FAM117B: variants seen among roughly 807,000 people sequenced by gnomAD.
The protein encoded by FAM117B is protein FAM117B.
In FAM117B, 22 loss-of-function variants were observed where a neutral mutation model predicts 52.8. The observed-to-expected ratio is 0.42, with a 90% CI of 0.30 to 0.59. The LOEUF is 0.59. FAM117B is among the 20% of genes least tolerant of loss of function. The pLI is 0.22. For synonymous variants in FAM117B, 309 were observed against 324.1 expected (o/e 0.95, Z 0.50); for missense variants, 678 against 802.6 (o/e 0.84, Z 1.88).
At chr2:202,709,045 C>G (rs1219612005) in intron 2 of FAM117B, among the ~76,000 whole-genome samples, 1 of 152,224 alleles carries the variant, frequency 6.6e-6, no homozygotes, top group Non-Finnish European at 1.5e-5. Context: ...GTCATCCTGA[C>G]AGGCGCGAGA....
At chr2:202,735,292 A>G (rs189942141) in intron 4 of FAM117B, among the ~76,000 whole-genome samples, 4 of 152,266 alleles carry the variant, frequency 2.6e-5, no homozygotes, top group African/African-American at 9.6e-5. Context: ...TGTTTTTCTG[A>G]GACTTTTTAC....
chr2:202,659,703 C>T (rs2105760687), intron 1 of FAM117B, among the ~76,000 whole-genome samples: 1 of 149,830 alleles, frequency 6.7e-6, no homozygotes, highest in East Asian at 2.0e-4. Context: ...CAACCTCCGC[C>T]TCCCGGGTTC....
At position 202,728,987 on chromosome 2, in the gene FAM117B, C is replaced by A. The variant is rs376699965; in HGVS notation, c.960+2624C>A. On this transcript the variant is annotated intron_variant, in intron 4 of 7. Transcript: ENST00000392238. ...ATTTTATTTAGTGTTATCAGCCAAC[C>A]GCAAGTCAGGCACATGTGCATCATG... is the stretch of plus-strand genomic sequence containing the variant. Among the ~76,000 whole-genome samples the A allele has an allele frequency of 5.3e-5, 8 of 152,184 alleles. No homozygotes were observed. In the East Asian group the frequency reaches 5.8e-4, roughly 11 times the overall value.
chr2:202,737,341 TATTA>T (rs1251338938), intron 4 of FAM117B, among the ~76,000 whole-genome samples: 7 of 152,216 alleles, frequency 4.6e-5, no homozygotes, highest in Admixed American at 2.6e-4. Flanking sequence ...TTGTACAATT[TATTA>T]ATTTTAACAT....
intron 7 of FAM117B, among the ~76,000 whole-genome samples, chr2:202,760,114 G>C (rs1453483918): frequency 1.3e-5 from 2 of 152,204 alleles, no homozygotes. Flanking sequence ...AGTAACCACA[G>C]TACTACTATA....
At chr2:202,759,829 T>C (rs1478839704) in intron 7 of FAM117B, among the ~76,000 whole-genome samples, 1 of 151,374 alleles carries the variant, frequency 6.6e-6, no homozygotes, top group Non-Finnish European at 1.5e-5. Flanking sequence ...AGTGCTGGGA[T>C]TACAGGCATG....
At chr2:202,675,644 C>T (rs974464007) in intron 1 of FAM117B, among the ~76,000 whole-genome samples, 3 of 151,774 alleles carry the variant, frequency 2.0e-5, no homozygotes, top group Admixed American at 1.3e-4. Flanking sequence ...TGTGTAATAC[C>T]CTCCTTTTTA....
chr2:202,753,225 A>G (rs573163344), intron 4 of FAM117B, among the ~76,000 whole-genome samples: 1 of 152,274 alleles, frequency 6.6e-6, no homozygotes, highest in African/African-American at 2.4e-5. Context: ...CACATCTACA[A>G]CCATCTGATC....
intron 1 of FAM117B, among the ~76,000 whole-genome samples, chr2:202,662,516 A>G (rs780285685): frequency 6.6e-6 from 1 of 152,172 alleles, no homozygotes; most frequent in Non-Finnish European, 1.5e-5. Context: ...CAAGATAGCT[A>G]GAAGAGATTG....
At chr2:202,762,237 G>T (rs1170118706) in intron 7 of FAM117B, among the ~76,000 whole-genome samples, 3 of 152,146 alleles carry the variant, frequency 2.0e-5, no homozygotes, top group Non-Finnish European at 4.4e-5. Context: ...GACCTGAACT[G>T]GGGGGTCGGG....
At chr2:202,681,633 A>G (rs1465876644) in intron 1 of FAM117B, among the ~76,000 whole-genome samples, 2 of 152,282 alleles carry the variant, frequency 1.3e-5, no homozygotes, top group African/African-American at 4.8e-5. Context: ...TTCATAAAGC[A>G]GTGTTCAACA....
chr2:202,635,219 C>G lies in FAM117B; in HGVS notation c.32C>G (p.Pro11Arg), dbSNP rs1339112433. The G allele has an allele frequency of 1.2e-5, 16 of 1,304,352 alleles. No individual in the cohort carries two copies. The highest frequency in any genetic ancestry group is 1.5e-5 in the African/African-American group (1 of 64,968). The allele number at this position is 1,304,352 out of a possible 1,614,324, so 80.8% of individuals were successfully genotyped here. A position where few individuals can be genotyped will look rare whatever the true frequency, so the allele number is the denominator to read the frequency against. Residue 11 changes from proline (P) to arginine (R), a missense_variant, in exon 1 of 8, where the codon CCC becomes CGC. By Grantham distance (103) the Pro-to-Arg change is moderately radical. Transcript: ENST00000392238. The stretch of plus-strand genomic sequence containing the variant: ...CAGCGGGTGAGGCGCAATGGGTCCC[C>G]CACGCCGGCCGGCTCCCTTGGGGGT... Reference protein sequence around the residue: MSQRVRRNGSPTPAGSLGGGA... With the variant: MSQRVRRNGSRTPAGSLGGGA...
chr2:202,680,997 T>C (rs1690456307), intron 1 of FAM117B, among the ~76,000 whole-genome samples: 1 of 152,208 alleles, frequency 6.6e-6, no homozygotes, highest in Non-Finnish European at 1.5e-5. Context: ...ATTGTGTATA[T>C]ATAGACATTA....
chr2:202,659,011 AT>A (rs1690088549), intron 1 of FAM117B, among the ~76,000 whole-genome samples: 1 of 149,794 alleles, frequency 6.7e-6, no homozygotes, highest in Non-Finnish European at 1.5e-5. Flanking sequence ...TGTCTTTTTT[AT>A]TTTTATTTTT....
At chr2:202,642,245 G>T (rs545415171) in intron 1 of FAM117B, among the ~76,000 whole-genome samples, 3 of 149,792 alleles carry the variant, frequency 2.0e-5, no homozygotes, top group African/African-American at 4.9e-5. Context: ...GAGCCACCAC[G>T]CCCAGCCAGA....
At position 202,765,680 on chromosome 2, in the gene FAM117B, C is replaced by T; in HGVS notation, c.1686C>T (p.Asp562=). 6.2e-7 allele frequency: 1 copy of T among 1,614,146 alleles called. No homozygotes were observed. Among genetic ancestry groups the T allele is most frequent in the South Asian group, 1.1e-5 (1 of 91,084 alleles). The change falls in exon 8 of 8, where the codon GAC becomes GAT. Residue 562 remains aspartate (D), a synonymous_variant. Transcript: ENST00000392238. The stretch of plus-strand genomic sequence containing the variant: ...CCCTGTCTACAAACACAGAGCAAGA[C>T]CGAGTCTCTCGAGGAACAAGTACAG... ...VASLSTNTEQ[D]RVSRGTSTVM... is the part of the protein sequence containing the mutation.
intron 1 of FAM117B, among the ~76,000 whole-genome samples, chr2:202,669,612 G>A (rs1248981501): frequency 6.6e-6 from 1 of 151,962 alleles, no homozygotes; most frequent in Non-Finnish European, 1.5e-5. Flanking sequence ...TTGCCAACAT[G>A]GAACATAACT....
Position 202,695,939 on chromosome 2 carries a change from C to G in FAM117B, c.660C>G (p.Ser220=). ...SPSSIIRRTS[S]LDTLAAPYLA... ...CCAGTATTATCCGACGCACTTCCTC[C>G]CTGGATACTCTTGCTGCACCGTATC... Residue 220 remains serine (S), a synonymous_variant, in exon 2 of 8, where the codon TCC becomes TCG. Transcript: ENST00000392238. The G allele has an allele frequency of 6.2e-7, 1 of 1,614,040 alleles. No homozygotes were observed. The highest frequency in any genetic ancestry group is 1.1e-5 in the South Asian group (1 of 91,042).
intron 7 of FAM117B, 59 bp from the exon 8 acceptor site, chr2:202,765,387 T>TA: frequency 6.9e-7 from 1 of 1,445,428 alleles, no homozygotes; most frequent in Non-Finnish European, 9.4e-7. Flanking sequence ...AGCTTTTTTT[T>TA]TTTTTTATTT....
Sources: allele counts gnomAD v4.1 joint callset (sites outside exome capture counted in the v4.1 genomes callset), GRCh38; gene constraint gnomAD v4.1.1; transcripts MANE v1.5; gene names NCBI Gene and HGNC (gene_info 2026-07-23, HGNC 2026-07-21).